Variants in GNAQ observed in about 807,000 individuals in gnomAD.
GNAQ encodes G protein subunit alpha q.
A neutral mutation model predicts 43.9 loss-of-function variants in GNAQ; 8 were observed. The observed-to-expected ratio is 0.18, with a 90% CI of 0.11 to 0.33. The LOEUF (loss-of-function observed/expected upper bound fraction) is 0.33. Among genes scored for constraint, GNAQ ranks in the 10% least tolerant of loss-of-function variants. GNAQ has a pLI of 1.00. For missense variants in GNAQ, 158 were observed against 450.8 expected (o/e 0.35, Z 5.88); for synonymous variants, 155 against 170.7 (o/e 0.91, Z 0.71).
At chr9:77,826,586 T>G (rs1827201506) in intron 2 of GNAQ, among the ~76,000 whole-genome samples, 4 of 152,188 alleles carry the variant, frequency 2.6e-5, no homozygotes, top group Non-Finnish European at 5.9e-5. Context: ...TGGTTTGGGT[T>G]GTCAGGGGTG....
intron 2 of GNAQ, among the ~76,000 whole-genome samples, chr9:77,840,360 T>TG (rs924737580): frequency 2.4e-4 from 36 of 148,030 alleles, no homozygotes; most frequent in Non-Finnish European, 4.3e-4. Flanking sequence ...TTTGTTTTTT[T>TG]TTTTTTTTAG....
intron 2 of GNAQ, among the ~76,000 whole-genome samples, chr9:77,835,161 C>A (rs1471259383): frequency 1.3e-5 from 2 of 152,036 alleles, no homozygotes; most frequent in East Asian, 3.9e-4. Context: ...TATCACAATA[C>A]ACAGAACAGC....
At chr9:77,945,348 AAGAG>A (rs893923558) in intron 1 of GNAQ, among the ~76,000 whole-genome samples, 55 of 150,894 alleles carry the variant, frequency 3.6e-4, no homozygotes, top group Non-Finnish European at 2.1e-4. Context: ...TTTAAAAAAA[AAGAG>A]AGAGAGAGAT....
intron 3 of GNAQ, among the ~76,000 whole-genome samples, chr9:77,803,232 T>C (rs1313535326): frequency 1.3e-5 from 2 of 152,220 alleles, no homozygotes; most frequent in African/African-American, 4.8e-5. Flanking sequence ...AACCAAGTTC[T>C]GAATAAAAAT....
intron 2 of GNAQ, among the ~76,000 whole-genome samples, chr9:77,821,455 G>C (rs1827110902): frequency 6.6e-6 from 1 of 151,518 alleles, no homozygotes; most frequent in Non-Finnish European, 1.5e-5. Flanking sequence ...TCTTCTATTT[G>C]GTTCTTTGCT....
At chr9:77,780,245 GTATC>G (rs1468520959) in intron 5 of GNAQ, among the ~76,000 whole-genome samples, 18 of 151,774 alleles carry the variant, frequency 1.2e-4, no homozygotes, top group Non-Finnish European at 1.5e-5. Flanking sequence ...CTGTAATTTT[GTATC>G]ATTTAACAAA....
intron 1 of GNAQ, among the ~76,000 whole-genome samples, chr9:77,990,182 G>T (rs2118518773): frequency 6.6e-6 from 1 of 152,258 alleles, no homozygotes; most frequent in African/African-American, 2.4e-5. Context: ...GTGCCTCATG[G>T]AATTGGAGGA....
chr9:77,853,958 G>A (rs1340932860), intron 2 of GNAQ, among the ~76,000 whole-genome samples: 1 of 152,050 alleles, frequency 6.6e-6, no homozygotes, highest in African/African-American at 2.4e-5. Flanking sequence ...TTGATATGAT[G>A]ACAAGCCACT....
At chr9:77,962,892 C>CAAAA (rs538653191) in intron 1 of GNAQ, among the ~76,000 whole-genome samples, 7 of 55,206 alleles carry the variant, frequency 1.3e-4, no homozygotes, top group South Asian at 6.2e-4. Flanking sequence ...AACTTAGTCT[C>CAAAA]AAAAAAAAAA....
chr9:77,954,683 C>G (rs917468480), intron 1 of GNAQ, among the ~76,000 whole-genome samples: 1 of 152,154 alleles, frequency 6.6e-6, no homozygotes, highest in African/African-American at 2.4e-5. Context: ...CTTCAAGATC[C>G]TCTACCTGAA....
At chr9:78,016,360 T>C (rs7868599) in intron 1 of GNAQ, among the ~76,000 whole-genome samples, 46,906 of 152,062 alleles carry the variant, frequency 0.31, 7,507 homozygotes, top group South Asian at 0.44. Flanking sequence ...GCACTCCATC[T>C]TTCCATAAAG....
chr9:77,809,951 A>G (rs192114769), intron 3 of GNAQ, among the ~76,000 whole-genome samples: 2 of 152,308 alleles, frequency 1.3e-5, no homozygotes, highest in Admixed American at 1.3e-4. Flanking sequence ...GTTAGTATGG[A>G]TAATTGCTGC....
chr9:77,882,549 G>A (rs140614630), intron 2 of GNAQ, among the ~76,000 whole-genome samples: 3 of 152,258 alleles, frequency 2.0e-5, no homozygotes, highest in African/African-American at 7.2e-5. Flanking sequence ...TTGATTATGC[G>A]AGCTGTTTAA....
At chr9:77,984,491 A>G (rs1823409182) in intron 1 of GNAQ, among the ~76,000 whole-genome samples, 1 of 152,052 alleles carries the variant, frequency 6.6e-6, no homozygotes, top group Admixed American at 6.6e-5. Flanking sequence ...TTTATTCTTA[A>G]CTGCCTTAGA....
intron 1 of GNAQ, among the ~76,000 whole-genome samples, chr9:77,928,248 C>T (rs887329284): frequency 2.0e-5 from 3 of 152,184 alleles, no homozygotes; most frequent in Admixed American, 6.5e-5. Flanking sequence ...AGCTCTAAGA[C>T]CAAAGTTGCC....
At chr9:78,025,661 G>T (rs1005744366) in intron 1 of GNAQ, among the ~76,000 whole-genome samples, 1 of 152,122 alleles carries the variant, frequency 6.6e-6, no homozygotes, top group East Asian at 1.9e-4. Flanking sequence ...ACCTTCTGAG[G>T]GAGAAAGCAA....
intron 1 of GNAQ, among the ~76,000 whole-genome samples, chr9:77,933,244 C>G (rs918575185): frequency 2.0e-5 from 3 of 152,164 alleles, no homozygotes; most frequent in Admixed American, 2.0e-4. Flanking sequence ...TCAGAGCAGG[C>G]TGCAAAACCT....
chr9:77,974,497 C>T (rs1017862327), intron 1 of GNAQ, among the ~76,000 whole-genome samples: 2 of 152,168 alleles, frequency 1.3e-5, no homozygotes, highest in Non-Finnish European at 2.9e-5. Flanking sequence ...ACTTTAAAGA[C>T]ACTCATGTAA....
At chr9:77,973,510 G>C (rs1823263137) in intron 1 of GNAQ, among the ~76,000 whole-genome samples, 1 of 151,956 alleles carries the variant, frequency 6.6e-6, no homozygotes, top group African/African-American at 2.4e-5. Context: ...AATTCTTTGA[G>C]GGAAACATAG....
Sources: allele counts gnomAD v4.1 joint callset (sites outside exome capture counted in the v4.1 genomes callset), GRCh38; gene constraint gnomAD v4.1.1; transcripts MANE v1.5; gene names NCBI Gene and HGNC (gene_info 2026-07-23, HGNC 2026-07-21).